The following NKAIN2 variants were observed in gnomAD, a reference collection of about 807,000 sequenced individuals.
The protein encoded by NKAIN2 is sodium/potassium transporting ATPase interacting 2, also known as sodium/potassium-transporting ATPase subunit beta-1-interacting protein 2.
NKAIN2 carries 14 observed loss-of-function variants against 32.6 expected under a neutral mutation model. That is an observed-to-expected ratio of 0.43 (90% confidence interval 0.28 to 0.67). The LOEUF is 0.67. Among genes scored for constraint, NKAIN2 ranks in the 30% least tolerant of loss-of-function variants. The pLI is 0.17. For missense variants in NKAIN2, 198 were observed against 258.3 expected, an observed-to-expected ratio of 0.77 and a Z score of 1.60; for synonymous variants, 80 against 87.2, an observed-to-expected ratio of 0.92 and a Z score of 0.46.
chr6:124,003,253 G>A (rs988926823), intron 1 of NKAIN2, among the ~76,000 whole-genome samples: 3 of 152,150 alleles, frequency 2.0e-5, no homozygotes, highest in African/African-American at 7.2e-5. Context: ...ACACATTAGT[G>A]ACATTGTTTA....
At chr6:124,305,720 TTC>T (rs907139839) in intron 2 of NKAIN2, among the ~76,000 whole-genome samples, 1 of 152,186 alleles carries the variant, frequency 6.6e-6, no homozygotes, top group African/African-American at 2.4e-5. Flanking sequence ...CTATCTTATG[TTC>T]TTAGCTTTGC....
intron 4 of NKAIN2, among the ~76,000 whole-genome samples, chr6:124,782,319 G>C (rs1167103950): frequency 6.6e-6 from 1 of 152,054 alleles, no homozygotes; most frequent in Non-Finnish European, 1.5e-5. Flanking sequence ...GATATGTGCT[G>C]AAGTCTCAGG....
chr6:124,098,008 T>A (rs1784715564), intron 1 of NKAIN2, among the ~76,000 whole-genome samples: 1 of 151,508 alleles, frequency 6.6e-6, no homozygotes, highest in South Asian at 2.1e-4. Context: ...CACCTGGAGG[T>A]GATGAATGAT....
chr6:124,050,748 A>G (rs1293992213), intron 1 of NKAIN2, among the ~76,000 whole-genome samples: 1 of 152,042 alleles, frequency 6.6e-6, no homozygotes, highest in Non-Finnish European at 1.5e-5. Flanking sequence ...GTTTACTTCA[A>G]TCCAACAATG....
chr6:124,271,873 C>T (rs2114880209), intron 1 of NKAIN2, among the ~76,000 whole-genome samples: 1 of 152,234 alleles, frequency 6.6e-6, no homozygotes, highest in East Asian at 1.9e-4. Context: ...AGATTGGCAG[C>T]ATTTTTCCCC....
chr6:124,055,272 A>T (rs1436085567), intron 1 of NKAIN2, among the ~76,000 whole-genome samples: 2 of 152,208 alleles, frequency 1.3e-5, no homozygotes, highest in East Asian at 3.9e-4. Context: ...CATAAAACGA[A>T]TGCATAATTT....
At chr6:124,526,440 G>T (rs1191579341) in intron 3 of NKAIN2, among the ~76,000 whole-genome samples, 1 of 152,124 alleles carries the variant, frequency 6.6e-6, no homozygotes, top group Non-Finnish European at 1.5e-5. Flanking sequence ...TCTGCCAAAT[G>T]AAAATGGTGA....
intron 1 of NKAIN2, among the ~76,000 whole-genome samples, chr6:124,101,251 G>T (rs1449571115): frequency 6.6e-6 from 1 of 151,998 alleles, no homozygotes; most frequent in Non-Finnish European, 1.5e-5. Flanking sequence ...AAAAAAAAAT[G>T]ATTATTATCC....
At chr6:124,114,035 A>G (rs1224277789) in intron 1 of NKAIN2, among the ~76,000 whole-genome samples, 2 of 152,168 alleles carry the variant, frequency 1.3e-5, no homozygotes, top group African/African-American at 4.8e-5. Flanking sequence ...TTGTTGGCAT[A>G]CAGAGTAGGC....
chr6:124,801,724 G>A (rs1331477395), intron 5 of NKAIN2, among the ~76,000 whole-genome samples: 1 of 152,176 alleles, frequency 6.6e-6, no homozygotes, highest in East Asian at 1.9e-4. Context: ...GAAAGGGGAT[G>A]GAGGTGCCAT....
intron 1 of NKAIN2, chr6:123,828,983 T>A (rs549592848): frequency 1.3e-5 from 2 of 152,332 alleles, no homozygotes; most frequent in African/African-American, 4.8e-5. Context: ...CCTGGCATTC[T>A]GTAGGTGCTC....
intron 3 of NKAIN2, among the ~76,000 whole-genome samples, chr6:124,544,018 A>G (rs1780002168): frequency 6.6e-6 from 1 of 152,172 alleles, no homozygotes; most frequent in Non-Finnish European, 1.5e-5. Flanking sequence ...TCCCTGAGAG[A>G]GCTATCCAAA....
intron 1 of NKAIN2, among the ~76,000 whole-genome samples, chr6:123,841,357 A>T (rs907465803): frequency 6.6e-6 from 1 of 152,202 alleles, no homozygotes; most frequent in East Asian, 1.9e-4. Context: ...CAGTGTTACA[A>T]TCGTGAGATG....
chr6:124,206,599 A>G (rs895389871), intron 1 of NKAIN2, among the ~76,000 whole-genome samples: 11 of 151,806 alleles, frequency 7.2e-5, no homozygotes, highest in African/African-American at 2.2e-4. Flanking sequence ...TTCCCCCTGA[A>G]CTTGAATCAT....
chr6:124,018,427 C>T (rs1032286268), intron 1 of NKAIN2, among the ~76,000 whole-genome samples: 4 of 152,166 alleles, frequency 2.6e-5, no homozygotes, highest in Admixed American at 6.5e-5. Context: ...TTGAATTTCT[C>T]TTCAGAAAAT....
intron 1 of NKAIN2, among the ~76,000 whole-genome samples, chr6:124,058,371 C>T (rs143039769): frequency 6.6e-6 from 1 of 151,950 alleles, no homozygotes; most frequent in East Asian, 1.9e-4. Flanking sequence ...CCATCAGAAG[C>T]GTGAGAGTGA....
At chr6:124,726,647 C>T (rs367741031) in intron 4 of NKAIN2, among the ~76,000 whole-genome samples, 50 of 146,852 alleles carry the variant, frequency 3.4e-4, no homozygotes, top group Middle Eastern at 6.8e-3. Context: ...AAAACCAGAG[C>T]GCCTCTCCTC....
chr6:124,277,626 A>G (rs1388941305), intron 1 of NKAIN2, among the ~76,000 whole-genome samples: 2 of 152,138 alleles, frequency 1.3e-5, no homozygotes, highest in Non-Finnish European at 2.9e-5. Flanking sequence ...CCACTTTGTC[A>G]ATGCAAATAG....
chr6:124,336,021 G>T (rs1425186721), intron 2 of NKAIN2, among the ~76,000 whole-genome samples: 1 of 152,090 alleles, frequency 6.6e-6, no homozygotes, highest in Non-Finnish European at 1.5e-5. Context: ...CTGAAGCAAA[G>T]GGTTGGGTGT....
Sources: allele counts gnomAD v4.1 joint callset (sites outside exome capture counted in the v4.1 genomes callset), GRCh38; gene constraint gnomAD v4.1.1; transcripts MANE v1.5; gene names NCBI Gene and HGNC (gene_info 2026-07-23, HGNC 2026-07-21).